SEC14L1: variants seen among roughly 807,000 people sequenced by gnomAD.
SEC14L1 encodes the protein SEC14 like lipid binding 1.
Under a neutral mutation model 85.3 loss-of-function variants are expected in SEC14L1, and 48 were observed. The observed-to-expected ratio is 0.56, with a 90% CI of 0.45 to 0.72. SEC14L1 has a LOEUF of 0.72. Among genes scored for constraint, SEC14L1 ranks in the 30% least tolerant of loss-of-function variants. The pLI is 0.00. For missense variants in SEC14L1, 682 were observed against 921.4 expected (o/e 0.74, Z 3.36); for synonymous variants, 391 against 355.5 (o/e 1.10, Z -1.12).
At position 77,171,778 on chromosome 17, in the gene SEC14L1, T is replaced by C. The variant is rs540270478; in HGVS notation, c.64-19025T>C. ...ATTAGGTAATCTTCCCGATTTTATTTCTGTGAGGATATCTCCGTTTACTAC... is the reference window on the plus strand; with the variant it reads ...ATTAGGTAATCTTCCCGATTTTATTCCTGTGAGGATATCTCCGTTTACTAC... On this transcript the variant is annotated intron_variant, in intron 3 of 16. Transcript: ENST00000436233. Among the ~76,000 whole-genome samples, 4 of 152,342 alleles carry C rather than the reference T, an allele frequency of 2.6e-5. No homozygotes were observed. In the East Asian group the frequency reaches 7.7e-4, roughly 29 times the overall value.
At chr17:77,104,790 C>CA (rs34654587) in intron 3 of SEC14L1, among the ~76,000 whole-genome samples, 4,115 of 115,708 alleles carry the variant, frequency 0.036, 236 homozygotes, top group African/African-American at 0.13. Context: ...GACTCCATTT[C>CA]AAAAAAAAAA....
At position 77,184,772 on chromosome 17, in the gene SEC14L1, C is replaced by T. The variant is rs546415815; in HGVS notation, c.64-6031C>T. On this transcript the variant is annotated intron_variant, in intron 3 of 16. Coordinates refer to ENST00000436233, the MANE Select transcript of SEC14L1 (RefSeq NM_001143998.2). ...TGAACTGAGATGTCATTGCTTTTCA[C>T]CCCTTCCAATGGAAAGAGCTAGGAG... Among the ~76,000 whole-genome samples the T allele has an allele frequency of 6.9e-4, 105 of 152,312 alleles. 1 individual carries two copies. Among genetic ancestry groups the T allele is most frequent in the African/African-American group, 2.1e-3 (87 of 41,552 alleles).
At chr17:77,196,617 G>T (rs967775903) in intron 8 of SEC14L1, among the ~76,000 whole-genome samples, 1 of 152,210 alleles carries the variant, frequency 6.6e-6, no homozygotes, top group Non-Finnish European at 1.5e-5. Context: ...TGTAAAAAGA[G>T]TTCAGAGATT....
At chr17:77,160,379 A>C (rs1214873164) in intron 3 of SEC14L1, among the ~76,000 whole-genome samples, 1 of 152,204 alleles carries the variant, frequency 6.6e-6, no homozygotes, top group Non-Finnish European at 1.5e-5. Flanking sequence ...TGTTAGAGAG[A>C]GATTTGTACT....
At chr17:77,175,046 G>A (rs895273218) in intron 3 of SEC14L1, among the ~76,000 whole-genome samples, 1 of 152,200 alleles carries the variant, frequency 6.6e-6, no homozygotes, top group Non-Finnish European at 1.5e-5. Context: ...GTCTGTTACA[G>A]TACAAGGTAT....
chr17:77,216,228 G>A lies in SEC14L1; in HGVS notation c.*2205G>A, dbSNP rs560202652. ...TAGGTAGGGCTAGTAGGTAGGGTTC[G>A]TAGGTAGGGTTCGTAGGTAGGGTTC... On this transcript the variant is annotated 3_prime_UTR_variant, in exon 17 of 17. Coordinates refer to ENST00000436233, the MANE Select transcript of SEC14L1 (RefSeq NM_001143998.2). 87 of 1,075,516 alleles carry A rather than the reference G, an allele frequency of 8.1e-5. 10 individuals carry two copies. In the African/African-American group the frequency reaches 1.3e-3, roughly 16 times the overall value. The allele number at this position is 1,075,516 out of a possible 1,614,324, so 66.6% of individuals were successfully genotyped here. A position where few individuals can be genotyped will look rare whatever the true frequency, so the allele number is the denominator to read the frequency against.
intron 3 of SEC14L1, among the ~76,000 whole-genome samples, chr17:77,128,869 C>T (rs1972530675): frequency 1.3e-5 from 2 of 152,068 alleles, no homozygotes; most frequent in Admixed American, 6.6e-5. Context: ...CCCTTGGAGT[C>T]CATTTAGCTT....
chr17:77,147,458 C>T lies in SEC14L1; in HGVS notation c.63+3799C>T, dbSNP rs373590553. 9.2e-5 allele frequency among the ~76,000 whole-genome samples: 14 copies of T among 151,876 alleles called. No homozygotes were observed. In the East Asian group the frequency reaches 1.5e-3, roughly 17 times the overall value. On this transcript the variant is annotated intron_variant, in intron 3 of 16. Transcript: ENST00000436233. ...ATTGAAGTGGAGGTTTTTCAGTAGG[C>T]ATTTGCATGGTGTTGTTTTGTTAGA...
chr17:77,215,016 C>T lies in SEC14L1; in HGVS notation c.*993C>T, dbSNP rs879008112. ...GCATCCACTTCAGGGTGGCGTGTGG[C>T]ATGTAGGAGTCCTGCTTCTTTGTAC... On this transcript the variant is annotated 3_prime_UTR_variant, in exon 17 of 17. Coordinates refer to ENST00000436233, the MANE Select transcript of SEC14L1 (RefSeq NM_001143998.2). 6 of 985,308 alleles carry T rather than the reference C, an allele frequency of 6.1e-6. No individual in the cohort carries two copies. In the South Asian group the frequency reaches 2.3e-4, roughly 39 times the overall value. The allele number at this position is 985,308 out of a possible 1,614,324, so 61.0% of individuals were successfully genotyped here. A position where few individuals can be genotyped will look rare whatever the true frequency, so the allele number is the denominator to read the frequency against.
chr17:77,106,269 C>T (rs1280510096), intron 3 of SEC14L1, among the ~76,000 whole-genome samples: 4 of 152,114 alleles, frequency 2.6e-5, no homozygotes, highest in Admixed American at 6.6e-5. Context: ...TGTGGTGGCT[C>T]ACACCTGTAA....
At chr17:77,154,612 C>G (rs1973719217) in intron 3 of SEC14L1, among the ~76,000 whole-genome samples, 1 of 150,276 alleles carries the variant, frequency 6.7e-6, no homozygotes, top group East Asian at 1.9e-4. Flanking sequence ...AGGGAGGACT[C>G]TACTGGCCCC....
At chr17:77,110,362 G>A (rs1340039198) in intron 3 of SEC14L1, among the ~76,000 whole-genome samples, 2 of 152,186 alleles carry the variant, frequency 1.3e-5, no homozygotes, top group East Asian at 3.8e-4. Context: ...ATCAGTTATG[G>A]AAGTGGCTCT....
chr17:77,186,231 C>T (rs996910845), intron 3 of SEC14L1, among the ~76,000 whole-genome samples: 19 of 152,212 alleles, frequency 1.2e-4, no homozygotes, highest in African/African-American at 2.4e-5. Context: ...TCATGCACCA[C>T]AGTGACCCCT....
intron 3 of SEC14L1, among the ~76,000 whole-genome samples, chr17:77,146,399 G>A (rs1973307728): frequency 6.6e-6 from 1 of 152,200 alleles, no homozygotes; most frequent in African/African-American, 2.4e-5. Context: ...GAGGTGTTTG[G>A]ATTGTTTAAC....
At chr17:77,159,849 G>A (rs1323998233) in intron 3 of SEC14L1, among the ~76,000 whole-genome samples, 2 of 150,840 alleles carry the variant, frequency 1.3e-5, no homozygotes, top group Non-Finnish European at 3.0e-5. Flanking sequence ...AGCTGGTGTG[G>A]AATGATGAGC....
chr17:77,208,455 ATGCCGACCTCCGTAGTGTGTTTGCGG>A (rs1256071473), intron 13 of SEC14L1, among the ~76,000 whole-genome samples: 1 of 152,194 alleles, frequency 6.6e-6, no homozygotes, highest in East Asian at 1.9e-4. Context: ...TGTTTGTCAC[ATGCCGACCTCCGTAGTGTGTTTGCGG>A]TGCTGAGCGT....
chr17:77,202,722 C>A (rs1478959539), intron 9 of SEC14L1, among the ~76,000 whole-genome samples: 1 of 152,100 alleles, frequency 6.6e-6, no homozygotes, highest in Non-Finnish European at 1.5e-5. Flanking sequence ...GATTTTGAGA[C>A]CAGCCTGGGC....
At chr17:77,142,296 C>T (rs34297766) in intron 1 of SEC14L1, among the ~76,000 whole-genome samples, 2,089 of 152,122 alleles carry the variant, frequency 0.014, 23 homozygotes, top group Middle Eastern at 0.034. Flanking sequence ...AATTCTATAC[C>T]AGGCGCCGTG....
At chr17:77,172,403 TG>T (rs1974557005) in intron 3 of SEC14L1, among the ~76,000 whole-genome samples, 2 of 152,324 alleles carry the variant, frequency 1.3e-5, no homozygotes, top group South Asian at 4.1e-4. Context: ...TCTCTACTTT[TG>T]GGTTCTTTGG....
Sources: gnomAD v4.1 joint callset for allele counts (sites outside exome capture counted in the v4.1 genomes callset) on GRCh38, gnomAD v4.1.1 for gene constraint, MANE v1.5 for transcripts, NCBI Gene and HGNC (gene_info 2026-07-23, HGNC 2026-07-21) for gene names.